The following STK31 variants were observed in gnomAD, a reference collection of about 807,000 sequenced individuals.
STK31 encodes serine/threonine-protein kinase 31.
Under a neutral mutation model 129.7 loss-of-function variants are expected in STK31, and 89 were observed. That is an observed-to-expected ratio of 0.69 (90% CI 0.58 to 0.82). The LOEUF is 0.82. Ranked by LOEUF, STK31 falls within the 40% of genes least tolerant of loss-of-function variation. The pLI is 0.00. For missense variants in STK31, 1,187 were observed against 1,176.4 expected, an observed-to-expected ratio of 1.01 and a Z score of -0.13; for synonymous variants, 448 against 395.3, an observed-to-expected ratio of 1.13 and a Z score of -1.58.
At chr7:23,772,905 T>C (rs894179728) in intron 15 of STK31, among the ~76,000 whole-genome samples, 1 of 152,164 alleles carries the variant, frequency 6.6e-6, no homozygotes, top group Admixed American at 6.6e-5. Context: ...TTATCTGTCT[T>C]CTACTTCTGA....
chr7:23,710,402 C>T, intron 1 of STK31, 67 bp downstream of exon 1: 1 of 1,609,790 alleles, frequency 6.2e-7, no homozygotes, highest in Non-Finnish European at 8.5e-7. Context: ...TCGCTGCTTG[C>T]GTTTTAAGTC....
intron 22 of STK31, chr7:23,791,164 C>A: frequency 1.3e-6 from 1 of 763,426 alleles, no homozygotes; most frequent in Non-Finnish European, 1.6e-6. Context: ...TGTCTTGGTT[C>A]TGTTGAAGTC....
At chr7:23,783,784 T>C in intron 17 of STK31, 121 bp downstream of exon 17, 2 of 722,192 alleles carry the variant, frequency 2.8e-6, no homozygotes, top group Admixed American at 3.1e-5. Flanking sequence ...CTGATGAATA[T>C]TTTATGGGTA....
rs936756121 is a variant in STK31 at position 23,710,260 on chromosome 7, G to C, written c.-26G>C. ...CGGTAAGCCGCTGCACGTGTGCTAC[G>C]GCGGGCGGAGGGCCGAAAGTCCAGT... On this transcript the variant is annotated 5_prime_UTR_variant, in exon 1 of 24. Coordinates refer to ENST00000355870, the MANE Select transcript of STK31 (RefSeq NM_031414.5). 14 of 1,606,728 alleles carry C rather than the reference G, an allele frequency of 8.7e-6. No individual in the cohort carries two copies. The highest frequency in any genetic ancestry group is 1.1e-5 in the South Asian group (1 of 89,434).
At chr7:23,784,269 A>G (rs1455725071) in intron 17 of STK31, among the ~76,000 whole-genome samples, 1 of 152,190 alleles carries the variant, frequency 6.6e-6, no homozygotes, top group African/African-American at 2.4e-5. Context: ...GTATTTATTC[A>G]TTAAGATTGT....
chr7:23,766,081 C>T (rs914272647), intron 11 of STK31, among the ~76,000 whole-genome samples: 3 of 152,156 alleles, frequency 2.0e-5, no homozygotes, highest in African/African-American at 7.2e-5. Flanking sequence ...AATATTTTCT[C>T]TAAGAGTGCT....
chr7:23,735,875 G>A lies in STK31; in HGVS notation c.821G>A (p.Gly274Asp), dbSNP rs762354086. The A allele has an allele frequency of 3.2e-6, 5 of 1,586,634 alleles. No homozygotes were observed. In the South Asian group the frequency reaches 5.7e-5, roughly 18 times the overall value. Residue 274 changes from glycine (G) to aspartate (D), a missense_variant, in exon 7 of 24, where the codon GGC (glycine) becomes GAC (aspartate). Physicochemically the swap from Gly to Asp is moderately conservative, Grantham distance 94. Coordinates refer to ENST00000355870, the MANE Select transcript of STK31 (RefSeq NM_031414.5). The part of the protein sequence containing the change: ...TLDLKDENDA[G>D]NLITFPKESL... ...GACTTGAAGGATGAAAATGATGCAGGCAATCTTATAACATTTCCAAAGTAA... is the reference window on the plus strand; with the variant it reads ...GACTTGAAGGATGAAAATGATGCAGACAATCTTATAACATTTCCAAAGTAA...
At chr7:23,761,292 A>G (rs991174591) in intron 10 of STK31, among the ~76,000 whole-genome samples, 42 of 151,946 alleles carry the variant, frequency 2.8e-4, no homozygotes, top group African/African-American at 9.0e-4. Flanking sequence ...GGCTAAATAT[A>G]TAATCATAAT....
chr7:23,750,886 T>C (rs1341274887), intron 8 of STK31, among the ~76,000 whole-genome samples: 2 of 152,210 alleles, frequency 1.3e-5, no homozygotes. Context: ...TTGGGAACAT[T>C]TCAAGACCTC....
intron 6 of STK31, among the ~76,000 whole-genome samples, chr7:23,731,164 A>G (rs1185500436): frequency 6.6e-6 from 1 of 151,994 alleles, no homozygotes; most frequent in Non-Finnish European, 1.5e-5. Flanking sequence ...GATTACAGGC[A>G]TGAGCCACCC....
intron 8 of STK31, among the ~76,000 whole-genome samples, chr7:23,744,367 A>G (rs1338155351): frequency 7.0e-6 from 1 of 143,710 alleles, no homozygotes; most frequent in Non-Finnish European, 1.5e-5. Context: ...TGATTTCTTT[A>G]TATTATTTTT....
At chr7:23,778,767 T>A (rs959818470) in intron 15 of STK31, among the ~76,000 whole-genome samples, 1 of 152,112 alleles carries the variant, frequency 6.6e-6, no homozygotes, top group African/African-American at 2.4e-5. Context: ...TTCCTTCCAT[T>A]GGGTTAGAAC....
At chr7:23,727,560 T>C in intron 5 of STK31, 4 of 173,382 alleles carry the variant, frequency 2.3e-5, no homozygotes, top group Non-Finnish European at 4.5e-5. Context: ...TCAGTTCTTT[T>C]TTTTTTTTTT....
intron 22 of STK31, among the ~76,000 whole-genome samples, chr7:23,798,230 A>G (rs1428138793): frequency 2.0e-5 from 3 of 152,196 alleles, no homozygotes; most frequent in Non-Finnish European, 2.9e-5. Flanking sequence ...AAAAGAGGGA[A>G]TCCTCCCTAA....
chr7:23,744,576 A>G (rs1584370078), intron 8 of STK31, among the ~76,000 whole-genome samples: 2 of 152,096 alleles, frequency 1.3e-5, no homozygotes, highest in South Asian at 2.1e-4. Context: ...GCTTCTTCCA[A>G]TTTTTTGGAA....
intron 8 of STK31, among the ~76,000 whole-genome samples, chr7:23,750,073 C>A (rs986474490): frequency 8.2e-6 from 1 of 122,200 alleles, no homozygotes; most frequent in African/African-American, 3.0e-5. Context: ...TGTTTCCCCC[C>A]CCGCCACTGC....
At chr7:23,737,507 AT>A (rs1787786833) in intron 8 of STK31, among the ~76,000 whole-genome samples, 1 of 152,210 alleles carries the variant, frequency 6.6e-6, no homozygotes, top group Admixed American at 6.5e-5. Flanking sequence ...TGTATGACTA[AT>A]AGAAAAGGAC....
chr7:23,773,548 G>T (rs893755431), intron 15 of STK31, among the ~76,000 whole-genome samples: 4 of 152,062 alleles, frequency 2.6e-5, no homozygotes, highest in African/African-American at 4.8e-5. Context: ...AATCCTTTGG[G>T]TATATACCCA....
chr7:23,786,621 G>T lies in STK31; in HGVS notation c.2388G>T (p.Leu796=). The T allele has an allele frequency of 6.2e-7, 1 of 1,612,998 alleles. No individual in the cohort carries two copies. Among genetic ancestry groups the T allele is most frequent in the Non-Finnish European group, 8.5e-7 (1 of 1,179,628 alleles). The change falls in exon 19 of 24, where the codon CTG becomes CTT. Residue 796 remains leucine, a synonymous_variant. Coordinates refer to ENST00000355870, the MANE Select transcript of STK31 (RefSeq NM_031414.5). ...CAGGGTTACTGCCATTGATATTCCT[G>T]TTTTTATGTAAGGTAAAGTTCTTAT... ...GDSGLLPLIF[L]FLCKSDPMAY...
Sources: allele counts gnomAD v4.1 joint callset (sites outside exome capture counted in the v4.1 genomes callset), GRCh38; gene constraint gnomAD v4.1.1; transcripts MANE v1.5; gene names NCBI Gene and HGNC (gene_info 2026-07-23, HGNC 2026-07-21).